Variants in ADAM9 observed in about 807,000 individuals in gnomAD.
ADAM9 encodes ADAM metallopeptidase domain 9, also known as disintegrin and metalloproteinase domain-containing protein 9.
In ADAM9, 54 loss-of-function variants were observed where a neutral mutation model predicts 108.1. That is an observed-to-expected ratio of 0.50 (90% CI 0.40 to 0.63). The LOEUF (loss-of-function observed/expected upper bound fraction) is 0.63, where lower values mean the gene tolerates loss of function less well. Among genes scored for constraint, ADAM9 ranks in the 20% least tolerant of loss-of-function variants. ADAM9 has a pLI of 0.00. For missense variants in ADAM9, 830 were observed against 997.7 expected, an observed-to-expected ratio of 0.83 and a Z score of 2.26; for synonymous variants, 316 against 336.0, an observed-to-expected ratio of 0.94 and a Z score of 0.65.
At chr8:39,074,207 A>G (rs1838784731) in intron 15 of ADAM9, among the ~76,000 whole-genome samples, 1 of 152,172 alleles carries the variant, frequency 6.6e-6, no homozygotes. Context: ...GGATTCACAT[A>G]TGGTCCTACC....
At chr8:39,075,340 A>G (rs1379090510) in intron 15 of ADAM9, among the ~76,000 whole-genome samples, 1 of 152,216 alleles carries the variant, frequency 6.6e-6, no homozygotes, top group Admixed American at 6.5e-5. Flanking sequence ...GGCAATGACC[A>G]GATCTTGCTA....
intron 16 of ADAM9, among the ~76,000 whole-genome samples, chr8:39,080,594 T>C (rs994927704): frequency 3.9e-5 from 6 of 152,210 alleles, no homozygotes; most frequent in African/African-American, 1.2e-4. Context: ...ACACGGCAGA[T>C]AGGATCCTGT....
intron 12 of ADAM9, among the ~76,000 whole-genome samples, chr8:39,043,167 C>T (rs1208217948): frequency 6.6e-6 from 1 of 152,028 alleles, no homozygotes; most frequent in African/African-American, 2.4e-5. Context: ...TTTTCTTTAT[C>T]CATTCAACTG....
At chr8:39,013,218 C>T (rs148958589) in intron 3 of ADAM9, among the ~76,000 whole-genome samples, 130 of 152,148 alleles carry the variant, frequency 8.5e-4, no homozygotes, top group African/African-American at 3.0e-3. Context: ...AAATTTGCCT[C>T]CATACTTAGG....
intron 3 of ADAM9, among the ~76,000 whole-genome samples, chr8:39,012,851 T>C (rs979578907): frequency 1.3e-5 from 2 of 152,036 alleles, no homozygotes; most frequent in African/African-American, 4.8e-5. Context: ...ATGTAAATGA[T>C]GAGTTAATGG....
intron 15 of ADAM9, 63 bp from the exon 16 acceptor site, chr8:39,077,165 A>T (rs1468060295): frequency 3.2e-6 from 5 of 1,564,198 alleles, no homozygotes; most frequent in South Asian, 2.2e-5. Flanking sequence ...AAATATATAA[A>T]TTTTTTCTTT....
intron 14 of ADAM9, among the ~76,000 whole-genome samples, chr8:39,068,025 C>T (rs1380500624): frequency 6.6e-6 from 1 of 152,134 alleles, no homozygotes; most frequent in East Asian, 1.9e-4. Flanking sequence ...GTCTTTGGTT[C>T]CGTTTATATG....
At chr8:39,001,944 A>G (rs1183922778) in intron 1 of ADAM9, among the ~76,000 whole-genome samples, 2 of 151,984 alleles carry the variant, frequency 1.3e-5, no homozygotes, top group Non-Finnish European at 2.9e-5. Flanking sequence ...CTGGGATTAC[A>G]GGCATGAGCC....
chr8:39,018,926 T>C lies in ADAM9; in HGVS notation c.672+8T>C. ...GTCGTAGACAAGGAAAGGGTAAGAT[T>C]GGTGACAATTTTTCTTCTTTTCCAT... On this transcript the variant is annotated splice_region_variant and intron_variant, in intron 7 of 21. Coordinates refer to ENST00000487273, the MANE Select transcript of ADAM9 (RefSeq NM_003816.3). The C allele has an allele frequency of 1.2e-6, 2 of 1,613,848 alleles. No individual in the cohort carries two copies. Among genetic ancestry groups the C allele is most frequent in the South Asian group, 2.2e-5 (2 of 91,082 alleles).
chr8:39,084,586 T>C (rs1310690417), intron 18 of ADAM9, among the ~76,000 whole-genome samples: 1 of 151,806 alleles, frequency 6.6e-6, no homozygotes, highest in African/African-American at 2.4e-5. Context: ...TTGAATCCTT[T>C]TTTTTTTTTA....
Position 39,055,718 on chromosome 8 carries a change from T to G in ADAM9, c.1537T>G (p.Tyr513Asp), listed in dbSNP as rs1422167606. The part of the protein sequence containing the change: ...YPCQNNKAYC[Y>D]NGMCQYYDAQ... ...TTGCCAGAATAACAAAGCCTATTGCTACAACGGCATGTGCCAGTATTATGA... is the reference window on the plus strand; with the variant it reads ...TTGCCAGAATAACAAAGCCTATTGCGACAACGGCATGTGCCAGTATTATGA... The change falls in exon 14 of 22, where the codon TAC becomes GAC. Residue 513 changes from tyrosine (Y) to aspartate (D), a missense_variant. By Grantham distance (160) the Tyr-to-Asp change is radical (BLOSUM62 -3). Coordinates refer to ENST00000487273, the MANE Select transcript of ADAM9 (RefSeq NM_003816.3). 6.2e-7 allele frequency: 1 copy of G among 1,613,724 alleles called. No homozygotes were observed. Among genetic ancestry groups the G allele is most frequent in the East Asian group, 2.2e-5 (1 of 44,860 alleles).
intron 11 of ADAM9, among the ~76,000 whole-genome samples, chr8:39,033,290 A>G (rs1432419449): frequency 6.6e-6 from 1 of 152,094 alleles, no homozygotes; most frequent in Non-Finnish European, 1.5e-5. Flanking sequence ...CCTTACTGTA[A>G]TTGCTTTTTA....
chr8:39,083,151 C>A, intron 18 of ADAM9, 78 bp downstream of exon 18: 2 of 983,064 alleles, frequency 2.0e-6, no homozygotes, highest in South Asian at 1.3e-5. Context: ...ACCTCTCCCT[C>A]ACTTCCCACA....
At chr8:39,073,348 A>G (rs1022539453) in intron 15 of ADAM9, among the ~76,000 whole-genome samples, 6 of 152,168 alleles carry the variant, frequency 3.9e-5, no homozygotes, top group Non-Finnish European at 7.4e-5. Context: ...ATTTGTTACT[A>G]GGTGCATACA....
At chr8:39,056,258 T>C (rs1838120063) in intron 14 of ADAM9, among the ~76,000 whole-genome samples, 1 of 152,166 alleles carries the variant, frequency 6.6e-6, no homozygotes, top group Non-Finnish European at 1.5e-5. Context: ...GGCATACATA[T>C]AAAGAGCCAA....
At chr8:39,075,328 G>A (rs1038055558) in intron 15 of ADAM9, among the ~76,000 whole-genome samples, 2 of 152,182 alleles carry the variant, frequency 1.3e-5, no homozygotes, top group Admixed American at 6.5e-5. Flanking sequence ...GTGATACTAA[G>A]TGGCAATGAC....
At position 39,013,990 on chromosome 8, in the gene ADAM9, GTT is replaced by G; in HGVS notation, c.282_283del (p.Thr96LeufsTer10). 1 of 1,613,418 alleles carries G rather than the reference GTT, an allele frequency of 6.2e-7. No homozygotes were observed. The highest frequency in any genetic ancestry group is 8.5e-7 in the Non-Finnish European group (1 of 1,179,622). ...NKDLLPEDFV[V>X]YTYNKEGTLI... ...AGACCTTTTGCCTGAAGATTTTGTG[GTT>G]TATACTTACAACAAGGAAGGGACTT... On this transcript the variant is annotated frameshift_variant, in exon 4 of 22. Coordinates refer to ENST00000487273, the MANE Select transcript of ADAM9 (RefSeq NM_003816.3). LOFTEE classifies it high-confidence loss of function.
intron 18 of ADAM9, among the ~76,000 whole-genome samples, chr8:39,085,173 T>A (rs1366816511): frequency 6.6e-6 from 1 of 152,148 alleles, no homozygotes; most frequent in East Asian, 1.9e-4. Flanking sequence ...TATATTTAAC[T>A]TGACTATTGA....
chr8:39,025,758 CT>C (rs371358340), intron 9 of ADAM9, 44 bp from the exon 10 acceptor site: 1 of 1,574,774 alleles, frequency 6.4e-7, no homozygotes, highest in Non-Finnish European at 8.7e-7. Flanking sequence ...CAATGTGTTC[CT>C]TTTTTCCCCA....
Sources: allele counts gnomAD v4.1 joint callset (sites outside exome capture counted in the v4.1 genomes callset), GRCh38; gene constraint gnomAD v4.1.1; transcripts MANE v1.5; gene names NCBI Gene and HGNC (gene_info 2026-07-23, HGNC 2026-07-21).